PRKG2: variants seen among roughly 807,000 people sequenced by gnomAD.
PRKG2 encodes the protein protein kinase cGMP-dependent 2.
Under a neutral mutation model 97.2 loss-of-function variants are expected in PRKG2, and 33 were observed. That is an observed-to-expected ratio of 0.34 (90% confidence interval 0.26 to 0.45). PRKG2 has a LOEUF of 0.45. Among genes scored for constraint, PRKG2 ranks in the 20% least tolerant of loss-of-function variants. PRKG2 has a pLI of 1.00. For missense variants in PRKG2, 638 were observed against 900.0 expected (o/e 0.71, Z 3.73); for synonymous variants, 330 against 321.8 (o/e 1.03, Z -0.27).
At position 81,104,502 on chromosome 4, in the gene PRKG2, T is replaced by G. The variant is rs1044684708; in HGVS notation, c.2064-70A>C. 3.3e-5 allele frequency: 25 copies of G among 762,754 alleles called. No homozygotes were observed. In the Middle Eastern group the frequency reaches 3.3e-3, roughly 100 times the overall value. 47.2% of individuals were successfully genotyped at this position (762,754 alleles called of 1,614,324 possible). On this transcript the variant is annotated intron_variant, in intron 16 of 18. Coordinates refer to ENST00000264399, the MANE Select transcript of PRKG2 (RefSeq NM_006259.3). ...ATAATAATTATAATTCAGAAAATTT[T>G]AAATTAAAACTTAACATCTATTTGT...
chr4:81,172,113 G>A (rs529660572), intron 3 of PRKG2, among the ~76,000 whole-genome samples: 1 of 151,956 alleles, frequency 6.6e-6, no homozygotes, highest in African/African-American at 2.4e-5. Flanking sequence ...AAGGAATTTA[G>A]AACAATGGCT....
intron 14 of PRKG2, among the ~76,000 whole-genome samples, chr4:81,128,771 AC>A: frequency 6.6e-6 from 1 of 151,970 alleles, no homozygotes; most frequent in East Asian, 1.9e-4. Context: ...TTTTCAAGAA[AC>A]CAGCTCCTAG....
intron 2 of PRKG2, among the ~76,000 whole-genome samples, chr4:81,202,122 G>A (rs1487325863): frequency 6.6e-6 from 1 of 152,084 alleles, no homozygotes; most frequent in African/African-American, 2.4e-5. Flanking sequence ...CATCAGTGAA[G>A]GACATGTCTA....
intron 14 of PRKG2, among the ~76,000 whole-genome samples, chr4:81,114,999 C>T (rs1560548136): frequency 6.6e-6 from 1 of 152,120 alleles, no homozygotes; most frequent in Non-Finnish European, 1.5e-5. Flanking sequence ...TGTATTATAA[C>T]ACCATTGGAT....
At chr4:81,206,813 C>T (rs1263240932) in intron 1 of PRKG2, among the ~76,000 whole-genome samples, 2 of 152,186 alleles carry the variant, frequency 1.3e-5, no homozygotes, top group Non-Finnish European at 2.9e-5. Flanking sequence ...AGATGTAACA[C>T]AGCATCTAGA....
At chr4:81,150,516 C>T (rs1301187507) in intron 8 of PRKG2, among the ~76,000 whole-genome samples, 1 of 152,154 alleles carries the variant, frequency 6.6e-6, no homozygotes, top group Non-Finnish European at 1.5e-5. Flanking sequence ...CTTTCCTTCT[C>T]ATTGATTTTA....
intron 1 of PRKG2, among the ~76,000 whole-genome samples, chr4:81,210,827 A>G (rs1753931988): frequency 6.6e-6 from 1 of 152,164 alleles, no homozygotes; most frequent in African/African-American, 2.4e-5. Context: ...GTAAACGGAT[A>G]AACAAACTGT....
In PRKG2 at chr4:81,088,615, C is replaced by T. The variant is rs538800299; in HGVS notation, c.*1093G>A. ...TTACTTCTGAAATCCTATCACTTTT[C>T]TGGTGGCTTGCCTGTCTTAACAATC... On this transcript the variant is annotated 3_prime_UTR_variant, in exon 19 of 19. Transcript: ENST00000264399. 8.6e-4 allele frequency: 131 copies of T among 152,262 alleles called. No homozygotes were observed. The highest frequency in any genetic ancestry group is 3.0e-3 in the African/African-American group (124 of 41,562). The allele number at this position is 152,262 out of a possible 1,614,324, so 9.4% of individuals were successfully genotyped here. A position where few individuals can be genotyped will look rare whatever the true frequency, so the allele number is the denominator to read the frequency against.
chr4:81,203,318 A>G (rs1419110729), intron 2 of PRKG2, among the ~76,000 whole-genome samples: 1 of 152,114 alleles, frequency 6.6e-6, no homozygotes, highest in African/African-American at 2.4e-5. Flanking sequence ...CAGTCACAGG[A>G]TATTATAATT....
chr4:81,146,374 AC>A (rs1747859272), intron 9 of PRKG2, among the ~76,000 whole-genome samples: 1 of 152,114 alleles, frequency 6.6e-6, no homozygotes, highest in Non-Finnish European at 1.5e-5. Context: ...TAACTAATGA[AC>A]TTTTTTTTTG....
At position 81,204,037 on chromosome 4, in the gene PRKG2, T is replaced by C. The variant is rs1017581406; in HGVS notation, c.461+550A>G. Among the ~76,000 whole-genome samples, 34 of 152,208 alleles carry C rather than the reference T, an allele frequency of 2.2e-4. 1 individual carries two copies. Among genetic ancestry groups the C allele is most frequent in the Non-Finnish European group, 1.8e-4 (12 of 68,038 alleles). On this transcript the variant is annotated intron_variant, in intron 2 of 18. Coordinates refer to ENST00000264399, the MANE Select transcript of PRKG2 (RefSeq NM_006259.3). ...CACATTGCTGACTTGTTTCTGTGTATACTGTTTACCGCCCCTGCTAGAAAG... is the reference window on the plus strand; with the variant it reads ...CACATTGCTGACTTGTTTCTGTGTACACTGTTTACCGCCCCTGCTAGAAAG...
intron 6 of PRKG2, among the ~76,000 whole-genome samples, chr4:81,154,854 G>T (rs1184593747): frequency 6.6e-6 from 1 of 152,158 alleles, no homozygotes; most frequent in Non-Finnish European, 1.5e-5. Flanking sequence ...CAAAGGCAAA[G>T]AAGTTGAAAA....
intron 17 of PRKG2, among the ~76,000 whole-genome samples, chr4:81,103,943 C>T (rs1298051734): frequency 6.6e-6 from 1 of 152,096 alleles, no homozygotes; most frequent in Non-Finnish European, 1.5e-5. Context: ...AGGCAGGAGA[C>T]TCATTTGAAC....
At chr4:81,125,433 A>T (rs771494676) in intron 14 of PRKG2, among the ~76,000 whole-genome samples, 2 of 152,200 alleles carry the variant, frequency 1.3e-5, no homozygotes, top group Non-Finnish European at 2.9e-5. Flanking sequence ...TGTCAGTTTA[A>T]AAAATGCATT....
intron 15 of PRKG2, among the ~76,000 whole-genome samples, chr4:81,109,286 C>T (rs1279019682): frequency 2.0e-5 from 3 of 152,202 alleles, no homozygotes; most frequent in Non-Finnish European, 4.4e-5. Context: ...CTATGAAACT[C>T]TTTTCATAAA....
chr4:81,191,793 C>T (rs546489463), intron 2 of PRKG2, among the ~76,000 whole-genome samples: 4 of 152,098 alleles, frequency 2.6e-5, no homozygotes, highest in African/African-American at 9.7e-5. Flanking sequence ...TGAGACACCA[C>T]AAAATGTCCA....
At position 81,205,908 on chromosome 4, in the gene PRKG2, G is replaced by A. The variant is rs200580466; in HGVS notation, c.-13-848C>T. On this transcript the variant is annotated intron_variant, in intron 1 of 18. Transcript: ENST00000264399. ...TCTGGATGTGGTATGCAGATCAGGG[G>A]TTATAAGGGATGATTTAGTTTATTC... Among the ~76,000 whole-genome samples the A allele has an allele frequency of 3.1e-4, 47 of 152,284 alleles. No individual in the cohort carries two copies. In the East Asian group the frequency reaches 8.3e-3, roughly 27 times the overall value.
At chr4:81,171,893 C>T in intron 3 of PRKG2, 89 bp from the exon 4 acceptor site, 2 of 871,046 alleles carry the variant, frequency 2.3e-6, no homozygotes, top group Non-Finnish European at 3.5e-6. Flanking sequence ...AATCATAAAG[C>T]ACACAAAGTA....
chr4:81,196,775 G>A (rs1440462572), intron 2 of PRKG2, among the ~76,000 whole-genome samples: 1 of 151,750 alleles, frequency 6.6e-6, no homozygotes, highest in Non-Finnish European at 1.5e-5. Flanking sequence ...AAGAAAGAAA[G>A]AAAGAAAGAA....
Sources: gnomAD v4.1 joint callset for allele counts (sites outside exome capture counted in the v4.1 genomes callset) on GRCh38, gnomAD v4.1.1 for gene constraint, MANE v1.5 for transcripts, NCBI Gene and HGNC (gene_info 2026-07-23, HGNC 2026-07-21) for gene names.